COL5A2: variants seen among roughly 807,000 people sequenced by gnomAD.
COL5A2 encodes the protein collagen alpha-2(V) chain.
A neutral mutation model predicts 208.2 loss-of-function variants in COL5A2; 23 were observed. The observed-to-expected ratio is 0.11, with a 90% CI of 0.08 to 0.16. The LOEUF (loss-of-function observed/expected upper bound fraction) is 0.16. Ranked by LOEUF, COL5A2 falls within the 10% of genes least tolerant of loss-of-function variation. The probability of loss-of-function intolerance (pLI) is 1.00; values close to 1 mark genes in which losing one functional copy is unlikely to be tolerated. For missense variants in COL5A2, 1,590 were observed against 1,956.4 expected, an observed-to-expected ratio of 0.81 and a Z score of 3.53; for synonymous variants, 625 against 628.5, an observed-to-expected ratio of 0.99 and a Z score of 0.08.
At chr2:189,334,061 T>G in the COL5A2 span, among the ~76,000 whole-genome samples, 1 of 152,006 alleles carries the variant, frequency 6.6e-6, no homozygotes, top group African/African-American at 2.4e-5. Flanking sequence ...TTTAACAATA[T>G]TAAACACCCA....
chr2:189,362,002 A>C, the COL5A2 span, among the ~76,000 whole-genome samples: 1 of 152,166 alleles, frequency 6.6e-6, no homozygotes, highest in East Asian at 1.9e-4. Flanking sequence ...GATTTTAATA[A>C]TTTTGCCTTT....
At chr2:189,363,116 T>C in the COL5A2 span, among the ~76,000 whole-genome samples, 2 of 152,126 alleles carry the variant, frequency 1.3e-5, no homozygotes, top group African/African-American at 4.8e-5. Context: ...ACAATTTTTT[T>C]CCTCTTCCTT....
At chr2:189,163,655 A>C (rs181249749) in intron 1 of COL5A2, among the ~76,000 whole-genome samples, 1 of 152,214 alleles carries the variant, frequency 6.6e-6, no homozygotes, top group Non-Finnish European at 1.5e-5. Context: ...ATGTATTACC[A>C]TAGAGATTAT....
intron 1 of COL5A2, among the ~76,000 whole-genome samples, chr2:189,115,127 C>T (rs1687362528): frequency 6.6e-6 from 1 of 152,104 alleles, no homozygotes; most frequent in Non-Finnish European, 1.5e-5. Flanking sequence ...ACAATTGTGG[C>T]ACTGATATAT....
chr2:189,221,882 G>A (rs1395703110), intron 1 of COL5A2, among the ~76,000 whole-genome samples: 2 of 152,068 alleles, frequency 1.3e-5, no homozygotes, highest in East Asian at 1.9e-4. Context: ...CACTATAACT[G>A]CATTTCTACA....
chr2:189,121,721 A>G (rs1687504016), intron 1 of COL5A2, among the ~76,000 whole-genome samples: 2 of 127,342 alleles, frequency 1.6e-5, no homozygotes, highest in Admixed American at 8.9e-5. Context: ...TGGGTGACAG[A>G]GTGAGACTCC....
intron 1 of COL5A2, among the ~76,000 whole-genome samples, chr2:189,213,368 GAGA>G (rs543540436): frequency 6.6e-6 from 1 of 152,124 alleles, no homozygotes; most frequent in East Asian, 1.9e-4. Context: ...GGAGAATACA[GAGA>G]AGAATAATAT....
intron 1 of COL5A2, among the ~76,000 whole-genome samples, chr2:189,142,722 C>T (rs925210219): frequency 8.5e-5 from 13 of 152,056 alleles, no homozygotes; most frequent in Non-Finnish European, 1.2e-4. Flanking sequence ...ACATAGCTAT[C>T]GAAACTTCTT....
At chr2:189,145,123 T>A (rs1264925539) in intron 1 of COL5A2, among the ~76,000 whole-genome samples, 2 of 152,180 alleles carry the variant, frequency 1.3e-5, no homozygotes, top group African/African-American at 4.8e-5. Context: ...AGTGTTTCCA[T>A]GTTTGTATAA....
rs146789395 is a variant in COL5A2 at position 189,045,226 on chromosome 2, G to C, written c.3316C>G (p.Arg1106Gly). 1 of 1,605,576 alleles carries C rather than the reference G, an allele frequency of 6.2e-7. No individual in the cohort carries two copies. Among genetic ancestry groups the C allele is most frequent in the South Asian group, 1.1e-5 (1 of 90,064 alleles). The change falls in exon 47 of 54, where the codon CGG (arginine) becomes GGG (glycine). Residue 1106 changes from arginine (R) to glycine (G), a missense_variant. Physicochemically the swap from Arg to Gly is moderately radical, Grantham distance 125. Coordinates refer to ENST00000374866, the MANE Select transcript of COL5A2 (RefSeq NM_000393.5). The stretch of plus-strand genomic sequence containing the variant: ...CGACCAGGTGGTCCTATAGGACCCC[G>C]AGAACCCTAAAAGAAATTTACAACA... The part of the protein sequence containing the change: ...DAGQRGDPGS[R>G]GPIGPPGRAG...
rs189970491 is a variant in COL5A2 at position 189,064,674 on chromosome 2, G to C, written c.1618-19C>G. ...GAGCACCCTGTACCGAGGCAAAGCA[G>C]ATGCATGAAGAAAAAGAGTATAGAA... On this transcript the variant is annotated intron_variant, in intron 24 of 53. Transcript: ENST00000374866. 2.1e-3 allele frequency: 3,205 copies of C among 1,509,064 alleles called. 7 individuals carry two copies. Among genetic ancestry groups the C allele is most frequent in the Non-Finnish European group, 2.7e-3 (2,953 of 1,084,674 alleles). The allele number at this position is 1,509,064 out of a possible 1,614,324, so 93.5% of individuals were successfully genotyped here. A position where few individuals can be genotyped will look rare whatever the true frequency, so the allele number is the denominator to read the frequency against.
At chr2:189,195,705 G>A (rs1350826054) in intron 1 of COL5A2, among the ~76,000 whole-genome samples, 2 of 152,106 alleles carry the variant, frequency 1.3e-5, no homozygotes, top group Non-Finnish European at 2.9e-5. Flanking sequence ...ACAAAAACAA[G>A]CAATGGGGGA....
At chr2:189,142,154 G>A (rs1687946428) in intron 1 of COL5A2, among the ~76,000 whole-genome samples, 1 of 151,852 alleles carries the variant, frequency 6.6e-6, no homozygotes, top group Non-Finnish European at 1.5e-5. Context: ...TTCATGTTAT[G>A]ATTGACAATA....
At chr2:189,178,862 G>A (rs1181756630) in intron 1 of COL5A2, among the ~76,000 whole-genome samples, 4 of 152,192 alleles carry the variant, frequency 2.6e-5, no homozygotes, top group Admixed American at 2.6e-4. Flanking sequence ...CAGTAGGGTG[G>A]GAAAATACCA....
At chr2:189,044,886 C>T (rs1412843774) in intron 47 of COL5A2, among the ~76,000 whole-genome samples, 2 of 152,004 alleles carry the variant, frequency 1.3e-5, no homozygotes, top group African/African-American at 2.4e-5. Context: ...TTTAGAATAG[C>T]TCAGAGAGAA....
At chr2:189,213,373 GAAT>G (rs1054213814) in intron 1 of COL5A2, among the ~76,000 whole-genome samples, 1 of 152,116 alleles carries the variant, frequency 6.6e-6, no homozygotes. Context: ...ATACAGAGAA[GAAT>G]AATATTCCTA....
At chr2:189,146,698 T>C (rs1324731490) in intron 1 of COL5A2, among the ~76,000 whole-genome samples, 1 of 152,158 alleles carries the variant, frequency 6.6e-6, no homozygotes, top group East Asian at 1.9e-4. Context: ...CCACGGGACG[T>C]CTGGAGACTA....
chr2:189,229,143 A>G (rs1432333417), upstream of COL5A2, among the ~76,000 whole-genome samples: 4 of 151,740 alleles, frequency 2.6e-5, no homozygotes, highest in African/African-American at 9.7e-5. Context: ...ACTAGGAACA[A>G]AAGGAAATCA....
intron 1 of COL5A2, among the ~76,000 whole-genome samples, chr2:189,186,487 T>C (rs1343659427): frequency 2.0e-5 from 3 of 152,126 alleles, no homozygotes; most frequent in African/African-American, 4.8e-5. Flanking sequence ...ATCAACACGG[T>C]GGGGTAAGTG....
Sources: allele counts gnomAD v4.1 joint callset (sites outside exome capture counted in the v4.1 genomes callset), GRCh38; gene constraint gnomAD v4.1.1; transcripts MANE v1.5; gene names NCBI Gene and HGNC (gene_info 2026-07-23, HGNC 2026-07-21).